NEK1: variants seen among roughly 807,000 people sequenced by gnomAD.
NEK1 encodes NIMA related kinase 1.
A neutral mutation model predicts 182.1 loss-of-function variants in NEK1; 137 were observed. The observed-to-expected ratio is 0.75, with a 90% CI of 0.65 to 0.87. NEK1 has a LOEUF of 0.87. Among genes scored for constraint, NEK1 ranks in the 40% least tolerant of loss-of-function variants. The probability of loss-of-function intolerance (pLI) is 0.00; values close to 1 mark genes in which losing one functional copy is unlikely to be tolerated. For missense variants in NEK1, 1,391 were observed against 1,494.4 expected, an observed-to-expected ratio of 0.93 and a Z score of 1.14; for synonymous variants, 513 against 492.2, an observed-to-expected ratio of 1.04 and a Z score of -0.56.
intron 12 of NEK1, among the ~76,000 whole-genome samples, chr4:169,575,179 A>C (rs1765500581): frequency 6.6e-6 from 1 of 152,166 alleles, no homozygotes; most frequent in African/African-American, 2.4e-5. Context: ...ATAAGATGGA[A>C]TTGGCCCACT....
chr4:169,545,143 G>A (rs1346668300), intron 18 of NEK1, among the ~76,000 whole-genome samples: 18 of 148,776 alleles, frequency 1.2e-4, no homozygotes, highest in East Asian at 1.2e-3. Flanking sequence ...ATGCTGGTGC[G>A]CTGCACCCAC....
At chr4:169,593,424 AC>A (rs764234819) in intron 5 of NEK1, among the ~76,000 whole-genome samples, 5 of 152,176 alleles carry the variant, frequency 3.3e-5, no homozygotes, top group Non-Finnish European at 7.3e-5. Context: ...GGGTAAGTAA[AC>A]CAGTAATTAA....
chr4:169,558,594 A>C (rs1367692358), intron 16 of NEK1, among the ~76,000 whole-genome samples: 1 of 152,254 alleles, frequency 6.6e-6, no homozygotes, highest in East Asian at 1.9e-4. Flanking sequence ...TTGCATGTAT[A>C]AACAGGCTAT....
At chr4:169,503,411 C>G (rs1352771000) in intron 23 of NEK1, among the ~76,000 whole-genome samples, 1 of 151,930 alleles carries the variant, frequency 6.6e-6, no homozygotes, top group Non-Finnish European at 1.5e-5. Flanking sequence ...CCCAGAATAG[C>G]CAAAGTTATC....
chr4:169,483,263 T>C (rs1016573751), intron 23 of NEK1, among the ~76,000 whole-genome samples: 2 of 152,170 alleles, frequency 1.3e-5, no homozygotes, highest in East Asian at 3.8e-4. Flanking sequence ...GTGAAGTCTG[T>C]GGTGCCTCAG....
At chr4:169,408,132 G>A (rs1261875543) in intron 31 of NEK1, among the ~76,000 whole-genome samples, 1 of 152,144 alleles carries the variant, frequency 6.6e-6, no homozygotes, top group African/African-American at 2.4e-5. Context: ...CAGCACATAT[G>A]CATTATATAA....
intron 29 of NEK1, among the ~76,000 whole-genome samples, chr4:169,428,918 C>A (rs75239852): frequency 3.3e-5 from 5 of 152,106 alleles, no homozygotes; most frequent in Non-Finnish European, 7.4e-5. Flanking sequence ...GACATCTTTC[C>A]ATATTAATAA....
At chr4:169,548,109 T>G (rs543252080) in intron 18 of NEK1, among the ~76,000 whole-genome samples, 3 of 152,228 alleles carry the variant, frequency 2.0e-5, no homozygotes, top group South Asian at 2.1e-4. Context: ...CTTTGTGGAT[T>G]TATCCACCTT....
chr4:169,604,894 G>T (rs958225234), intron 2 of NEK1, among the ~76,000 whole-genome samples: 2 of 152,156 alleles, frequency 1.3e-5, no homozygotes, highest in Admixed American at 1.3e-4. Context: ...GTGAGTTAAA[G>T]AAGAAAAGTT....
At chr4:169,452,902 T>C (rs1742108287) in intron 27 of NEK1, among the ~76,000 whole-genome samples, 1 of 133,308 alleles carries the variant, frequency 7.5e-6, no homozygotes, top group South Asian at 2.2e-4. Flanking sequence ...CATGATTGTA[T>C]ATTTAAAACC....
intron 19 of NEK1, among the ~76,000 whole-genome samples, chr4:169,530,348 T>C (rs1253761648): frequency 6.6e-6 from 1 of 152,180 alleles, no homozygotes; most frequent in Non-Finnish European, 1.5e-5. Context: ...GGTGTGAAAG[T>C]GACAAGCATT....
intron 23 of NEK1, among the ~76,000 whole-genome samples, chr4:169,505,434 A>G (rs1753085744): frequency 6.6e-6 from 1 of 152,212 alleles, no homozygotes; most frequent in Non-Finnish European, 1.5e-5. Context: ...GATTTTCTTA[A>G]TAACATTTTT....
chr4:169,581,061 A>G (rs1766564607), intron 10 of NEK1, among the ~76,000 whole-genome samples, 159 bp from the exon 11 acceptor site: 1 of 148,384 alleles, frequency 6.7e-6, no homozygotes, highest in African/African-American at 2.5e-5. Flanking sequence ...AAAAAAAAAA[A>G]AAGAAGCCCA....
chr4:169,514,867 T>G (rs1341972309), intron 19 of NEK1, among the ~76,000 whole-genome samples: 1 of 152,168 alleles, frequency 6.6e-6, no homozygotes, highest in Non-Finnish European at 1.5e-5. Flanking sequence ...CTTAATTACT[T>G]CATTCTGCTT....
chr4:169,607,863 A>C (rs1312451852), intron 2 of NEK1, among the ~76,000 whole-genome samples: 2 of 152,176 alleles, frequency 1.3e-5, no homozygotes, highest in African/African-American at 4.8e-5. Context: ...GACACAGCAG[A>C]AGGCAGGATT....
chr4:169,511,600 C>A (rs1432286814), intron 19 of NEK1, among the ~76,000 whole-genome samples: 1 of 152,090 alleles, frequency 6.6e-6, no homozygotes, highest in Non-Finnish European at 1.5e-5. Context: ...TCTCATCTTG[C>A]ATAGCTACAT....
At chr4:169,396,840 A>G (rs1729001307) in intron 35 of NEK1, among the ~76,000 whole-genome samples, 1 of 152,110 alleles carries the variant, frequency 6.6e-6, no homozygotes, top group Non-Finnish European at 1.5e-5. Context: ...CTTTTCCCCA[A>G]CACAGAAAAT....
At chr4:169,543,048 A>G (rs1031025596) in intron 18 of NEK1, among the ~76,000 whole-genome samples, 2 of 152,140 alleles carry the variant, frequency 1.3e-5, no homozygotes, top group African/African-American at 4.8e-5. Flanking sequence ...TGTTTTAGTC[A>G]TGAAGTCTTT....
chr4:169,482,481 C>G (rs1001643042), intron 23 of NEK1, among the ~76,000 whole-genome samples: 1 of 141,786 alleles, frequency 7.1e-6, no homozygotes, highest in Non-Finnish European at 1.5e-5. Context: ...TTCTTTCTTT[C>G]TTTTTTTTTT....
Sources: gnomAD v4.1 joint callset for allele counts (sites outside exome capture counted in the v4.1 genomes callset) on GRCh38, gnomAD v4.1.1 for gene constraint, MANE v1.5 for transcripts, NCBI Gene and HGNC (gene_info 2026-07-23, HGNC 2026-07-21) for gene names.